The following ZNF330 variants were observed in gnomAD, a reference collection of about 807,000 sequenced individuals.
ZNF330 encodes the protein nucleolar atypical zinc finger, also known as zinc finger protein 330.
A neutral mutation model predicts 45.5 loss-of-function variants in ZNF330; 31 were observed. That is an observed-to-expected ratio of 0.68 (90% CI 0.51 to 0.92). The LOEUF (loss-of-function observed/expected upper bound fraction) is 0.92. ZNF330 is among the 40% of genes least tolerant of loss of function. ZNF330 has a pLI of 0.00. For synonymous variants in ZNF330, 138 were observed against 123.2 expected (o/e 1.12, Z -0.79); for missense variants, 356 against 387.4 (o/e 0.92, Z 0.68).
chr4:141,225,872 G>A (rs1274130207), intron 4 of ZNF330, among the ~76,000 whole-genome samples: 28 of 152,012 alleles, frequency 1.8e-4, no homozygotes, highest in Non-Finnish European at 4.4e-5. Flanking sequence ...TTGTAGTGTT[G>A]TTAGATGGAT....
rs1235192839 is a variant in ZNF330, at chr4:141,229,702, G to A, written c.418+5G>A. On this transcript the variant is annotated splice_donor_5th_base_variant and intron_variant, in intron 6 of 9. Transcript: ENST00000262990. ...AACGAGGCGTGTGGGACCATGGTGA[G>A]TCATTAGACACAAGTAATGAGCTTT... The A allele has an allele frequency of 6.2e-7, 1 of 1,612,782 alleles. No individual in the cohort carries two copies. The highest frequency in any genetic ancestry group is 1.3e-5 in the African/African-American group (1 of 74,810).
At chr4:141,226,917 A>AT in intron 5 of ZNF330, 71 bp downstream of exon 5, 7 of 1,228,756 alleles carry the variant, frequency 5.7e-6, no homozygotes, top group South Asian at 1.4e-5. Context: ...ATCAGTGGTT[A>AT]TTTTTTTCTA....
Position 141,234,083 on chromosome 4 carries a change from T to G in ZNF330, c.*94T>G. 1 of 1,506,510 alleles carries G rather than the reference T, an allele frequency of 6.6e-7. No homozygotes were observed. The highest frequency in any genetic ancestry group is 8.8e-7 in the Non-Finnish European group (1 of 1,134,324). 93.3% of individuals were successfully genotyped at this position (1,506,510 alleles called of 1,614,324 possible). On this transcript the variant is annotated 3_prime_UTR_variant, in exon 10 of 10. Transcript: ENST00000262990. ...GGTTGTTCAAAAGTACCTTAGCCAC[T>G]TAGCCTTGTGCAGAAGACTAGTTAC...
In ZNF330 at chr4:141,224,654, A is replaced by G. The variant is rs771280425; in HGVS notation, c.188A>G (p.Lys63Arg). ...TGCTACTTTTGTAATTCTGTACAGA[A>G]GTTACCAATTTGTGCACAGTGTGGT... ...AFCYFCNSVQ[K>R]LPICAQCGKT... Residue 63 changes from lysine (K) to arginine (R), a missense_variant, in exon 4 of 10, where the codon AAG (lysine) becomes AGG (arginine). Physicochemically the swap from Lys to Arg is conservative, Grantham distance 26 (BLOSUM62 2). Transcript: ENST00000262990. 1.9e-6 allele frequency: 3 copies of G among 1,613,616 alleles called. 1 individual carries two copies. In the South Asian group the frequency reaches 3.3e-5, roughly 18 times the overall value.
At chr4:141,228,916 G>A (rs190137875) in intron 5 of ZNF330, among the ~76,000 whole-genome samples, 8 of 151,986 alleles carry the variant, frequency 5.3e-5, no homozygotes, top group Admixed American at 5.2e-4. Context: ...TTTAATATTT[G>A]GTAGGTGTCA....
At chr4:141,232,160 GTGTCTTGTAAT>G (rs1174465171) in intron 8 of ZNF330, among the ~76,000 whole-genome samples, 5 of 152,054 alleles carry the variant, frequency 3.3e-5, no homozygotes, top group African/African-American at 1.2e-4. Flanking sequence ...TCAGTGCTTA[GTGTCTTGTAAT>G]TGCCTTTTCA....
chr4:141,230,510 C>T (rs183222924), intron 7 of ZNF330, among the ~76,000 whole-genome samples: 2 of 152,188 alleles, frequency 1.3e-5, no homozygotes, highest in Admixed American at 6.5e-5. Context: ...TTGATTTGAT[C>T]AGGCATTGCA....
At position 141,224,511 on chromosome 4, in the gene ZNF330, A is replaced by G. The variant is rs929901915; in HGVS notation, c.140+5A>G. On this transcript the variant is annotated splice_donor_5th_base_variant and intron_variant, in intron 3 of 9. Coordinates refer to ENST00000262990, the MANE Select transcript of ZNF330 (RefSeq NM_014487.6). Reference sequence around the variant, plus strand: ...GGAATGTGACAAGTGTCAGAGGTAAATTTTATTTCTTTTTCTATCTACCTT... The same window carrying G: ...GGAATGTGACAAGTGTCAGAGGTAAGTTTTATTTCTTTTTCTATCTACCTT... 3.1e-6 allele frequency: 5 copies of G among 1,608,012 alleles called. No individual in the cohort carries two copies. The highest frequency in any genetic ancestry group is 4.3e-6 in the Non-Finnish European group (5 of 1,175,586).
chr4:141,232,918 T>A (rs570715908), intron 9 of ZNF330, among the ~76,000 whole-genome samples: 236 of 150,394 alleles, frequency 1.6e-3, no homozygotes, highest in African/African-American at 5.6e-3. Context: ...TTTTTTTTTA[T>A]TTTTGTTGAG....
In ZNF330 at chr4:141,233,686, A is replaced by C. The variant is rs148638509; in HGVS notation, c.689-29A>C. 3.4e-5 allele frequency: 54 copies of C among 1,580,972 alleles called. No individual in the cohort carries two copies. The African/African-American group carries it at 4.7e-4, about 14-fold the overall frequency. On this transcript the variant is annotated intron_variant, in intron 9 of 9. Coordinates refer to ENST00000262990, the MANE Select transcript of ZNF330 (RefSeq NM_014487.6). ...GAATGTAGAGAACTGGAACTAACAA[A>C]ATGCCTTGTACTTGTCTGTCTTCTA...
chr4:141,232,192 C>T (rs750094105), intron 8 of ZNF330, among the ~76,000 whole-genome samples: 1 of 152,086 alleles, frequency 6.6e-6, no homozygotes, highest in Non-Finnish European at 1.5e-5. Context: ...CTGTCTCCAT[C>T]CCTAGTTAGA....
At chr4:141,228,462 C>G (rs1728862185) in intron 5 of ZNF330, among the ~76,000 whole-genome samples, 1 of 152,042 alleles carries the variant, frequency 6.6e-6, no homozygotes, top group East Asian at 1.9e-4. Flanking sequence ...TCACTCCGTA[C>G]CAGGTTATCC....
intron 2 of ZNF330, chr4:141,223,786 G>A (rs1728739923): frequency 8.8e-6 from 4 of 456,090 alleles, no homozygotes; most frequent in Non-Finnish European, 1.8e-5. Context: ...AGGTGATAAA[G>A]TTGGCTGTGT....
intron 5 of ZNF330, among the ~76,000 whole-genome samples, chr4:141,228,562 C>T (rs938553237): frequency 1.3e-5 from 2 of 152,184 alleles, no homozygotes; most frequent in East Asian, 1.9e-4. Flanking sequence ...CTTCCCTGTC[C>T]TCTGCAAATT....
At position 141,234,279 on chromosome 4, in the gene ZNF330, A is replaced by G. The variant is rs867932743; in HGVS notation, c.*290A>G. 3 of 272,196 alleles carry G rather than the reference A, an allele frequency of 1.1e-5. No individual in the cohort carries two copies. The highest frequency in any genetic ancestry group is 6.6e-5 in the African/African-American group (3 of 45,378). 16.9% of individuals were successfully genotyped at this position (272,196 alleles called of 1,614,324 possible). On this transcript the variant is annotated 3_prime_UTR_variant, in exon 10 of 10. Transcript: ENST00000262990. ...AAAGTATGTTTTGCCAATTAGATAC[A>G]TATATACAAGATAAAGGAATAGGAT... is the stretch of plus-strand genomic sequence containing the variant.
chr4:141,233,632 A>AAT lies in ZNF330; in HGVS notation c.689-82_689-81dup, dbSNP rs560467890. ...CATTTGGGATTGAAGCAGCCAATGA[A>AAT]ATCCATGAAATTTTATAGAGGAAGA... On this transcript the variant is annotated intron_variant, in intron 9 of 9. Transcript: ENST00000262990. The AAT allele has an allele frequency of 2.0e-5, 30 of 1,464,770 alleles. No homozygotes were observed. In the South Asian group the frequency reaches 3.8e-4, roughly 18 times the overall value. The allele number at this position is 1,464,770 out of a possible 1,614,324, so 90.7% of individuals were successfully genotyped here.
intron 5 of ZNF330, among the ~76,000 whole-genome samples, 192 bp from the exon 6 acceptor site, chr4:141,229,376 TAAG>T (rs150314122): frequency 0.047 from 7,192 of 152,168 alleles, 559 homozygotes; most frequent in African/African-American, 0.16. Context: ...GGATAGCTGT[TAAG>T]AAGTTGTTTT....
Position 141,233,869 on chromosome 4 carries a change from A to G in ZNF330, c.843A>G (p.Glu281=). 1 of 1,613,762 alleles carries G rather than the reference A, an allele frequency of 6.2e-7. No individual in the cohort carries two copies. The highest frequency in any genetic ancestry group is 8.5e-7 in the Non-Finnish European group (1 of 1,179,800). ...ATGAGTATGAAGCAGAGGATGATGA[A>G]GAGGAAGAAGATGAAGGCAGAAAGG... ...EEDEYEAEDD[E]EEEDEGRKDS... is the part of the protein sequence containing the mutation. Residue 281 remains glutamate, a synonymous_variant, in exon 10 of 10, where the codon GAA becomes GAG. Coordinates refer to ENST00000262990, the MANE Select transcript of ZNF330 (RefSeq NM_014487.6).
chr4:141,224,528 A>G (rs1444522402), intron 3 of ZNF330, 22 bp downstream of exon 3: 4 of 1,605,778 alleles, frequency 2.5e-6, no homozygotes, highest in South Asian at 1.1e-5. Flanking sequence ...TTCTTTTTCT[A>G]TCTACCTTTA....
Sources: gnomAD v4.1 joint callset for allele counts (sites outside exome capture counted in the v4.1 genomes callset) on GRCh38, gnomAD v4.1.1 for gene constraint, MANE v1.5 for transcripts, NCBI Gene and HGNC (gene_info 2026-07-23, HGNC 2026-07-21) for gene names.